WDR88: variants seen among roughly 807,000 people sequenced by gnomAD.
The protein encoded by WDR88 is WD repeat domain 88.
WDR88 carries 40 observed loss-of-function variants against 46.8 expected under a neutral mutation model. That is an observed-to-expected ratio of 0.86 (90% confidence interval 0.66 to 1.11). The LOEUF (loss-of-function observed/expected upper bound fraction) is 1.11, where lower values mean the gene tolerates loss of function less well. Among genes scored for constraint, WDR88 ranks in the 50% most tolerant of loss-of-function variants. WDR88 has a pLI of 0.00. For missense variants in WDR88, 562 were observed against 602.4 expected (o/e 0.93, Z 0.70); for synonymous variants, 235 against 240.7 (o/e 0.98, Z 0.22).
chr19:33,138,199 G>A (rs761739912), intron 2 of WDR88, among the ~76,000 whole-genome samples: 4 of 152,088 alleles, frequency 2.6e-5, no homozygotes, highest in Non-Finnish European at 4.4e-5. Flanking sequence ...ACCACACCCA[G>A]CTAATTTTGT....
intron 10 of WDR88, among the ~76,000 whole-genome samples, chr19:33,173,886 TGTCGCCCA>T (rs1351203241): frequency 2.6e-5 from 4 of 152,250 alleles, no homozygotes; most frequent in African/African-American, 9.6e-5. Flanking sequence ...AGTCTCGCTC[TGTCGCCCA>T]GGCTGGAGTG....
At chr19:33,157,541 GTA>G (rs201858607) in intron 7 of WDR88, among the ~76,000 whole-genome samples, 14,743 of 126,548 alleles carry the variant, frequency 0.12, 1,629 homozygotes, top group African/African-American at 0.32. Context: ...ATATATATAT[GTA>G]TATATATGTG....
intron 7 of WDR88, 125 bp downstream of exon 7, chr19:33,156,667 C>T: frequency 8.7e-7 from 1 of 1,149,690 alleles, no homozygotes; most frequent in Non-Finnish European, 1.2e-6. Context: ...GGATTCTTCC[C>T]CACGAGAACA....
chr19:33,168,605 A>G (rs1195047514), intron 9 of WDR88, among the ~76,000 whole-genome samples: 1 of 152,222 alleles, frequency 6.6e-6, no homozygotes, highest in African/African-American at 2.4e-5. Context: ...TGCTGAAAGA[A>G]ATTAAAGAAG....
chr19:33,151,705 C>T (rs1973637156), intron 6 of WDR88, among the ~76,000 whole-genome samples: 1 of 151,954 alleles, frequency 6.6e-6, no homozygotes, highest in South Asian at 2.1e-4. Context: ...TGTCACAAGA[C>T]CCCATCTCTA....
rs1362409152 is a variant in WDR88 at position 33,132,457 on chromosome 19, C to T, written c.276+12C>T. On this transcript the variant is annotated intron_variant, in intron 1 of 10. Coordinates refer to ENST00000355868, the MANE Select transcript of WDR88 (RefSeq NM_173479.4). The stretch of plus-strand genomic sequence containing the variant: ...ACCCTCTCTCCAAGGTCAGAACCGC[C>T]GCTGGGGTGAGGGGGCACTGGCCTG... 1.9e-6 allele frequency: 3 copies of T among 1,612,682 alleles called. No homozygotes were observed. Among genetic ancestry groups the T allele is most frequent in the Non-Finnish European group, 2.5e-6 (3 of 1,179,096 alleles).
chr19:33,132,546 A>T (rs766734386), intron 1 of WDR88, 101 bp downstream of exon 1: 3 of 1,510,876 alleles, frequency 2.0e-6, no homozygotes, highest in Middle Eastern at 2.0e-4. Flanking sequence ...ACCTGGCTTC[A>T]CCAGGACCCC....
chr19:33,174,145 A>C, intron 10 of WDR88: 1 of 1,535,624 alleles, frequency 6.5e-7, no homozygotes, highest in Non-Finnish European at 8.7e-7. Flanking sequence ...AGCTATCCGC[A>C]CCCAAACTGG....
intron 9 of WDR88, among the ~76,000 whole-genome samples, chr19:33,168,043 T>TTTG (rs1568371569): frequency 4.6e-5 from 7 of 150,720 alleles, no homozygotes; most frequent in African/African-American, 1.7e-4. Context: ...TTTTTTTTTT[T>TTTG]TTGAGATGGA....
At position 33,144,302 on chromosome 19, in the gene WDR88, C is replaced by T. The variant is rs534061760; in HGVS notation, c.388-542C>T. Among the ~76,000 whole-genome samples the T allele has an allele frequency of 2.0e-4, 31 of 152,262 alleles. 1 individual carries two copies. The East Asian group carries it at 3.7e-3, about 18-fold the overall frequency. On this transcript the variant is annotated intron_variant, in intron 2 of 10. Transcript: ENST00000355868. ...GAAACCTCCGACTTCCGGGTTCAAG[C>T]GATTCTCCTGCCTCAGCCTCATGAA...
At chr19:33,134,393 A>G (rs1267939) in intron 1 of WDR88, among the ~76,000 whole-genome samples, 1 of 151,794 alleles carries the variant, frequency 6.6e-6, no homozygotes, top group African/African-American at 2.4e-5. Context: ...GAGTCTCGCC[A>G]TGTTGCCCAG....
intron 9 of WDR88, among the ~76,000 whole-genome samples, chr19:33,170,727 T>C (rs369415713): frequency 6.6e-6 from 1 of 151,942 alleles, no homozygotes; most frequent in African/African-American, 2.4e-5. Context: ...TGGGGTATGG[T>C]GGCGCATGCC....
chr19:33,154,845 T>TCC (rs1316694581), intron 6 of WDR88, among the ~76,000 whole-genome samples: 3 of 152,168 alleles, frequency 2.0e-5, no homozygotes, highest in African/African-American at 7.2e-5. Flanking sequence ...CGGATGGCCC[T>TCC]GCGAAGTTGA....
intron 10 of WDR88, chr19:33,174,681 C>T (rs1205759763): frequency 1.0e-6 from 1 of 985,314 alleles, no homozygotes; most frequent in Non-Finnish European, 1.2e-6. Flanking sequence ...TGGGTGTTCT[C>T]AGGATGTCAG....
In WDR88 at chr19:33,132,423, G is replaced by T; in HGVS notation, c.254G>T (p.Gly85Val). The T allele has an allele frequency of 6.2e-7, 1 of 1,614,038 alleles. No homozygotes were observed. The highest frequency in any genetic ancestry group is 1.1e-5 in the South Asian group (1 of 91,088). ...CAGGTGCCGGAGAAATTGATCTGGG[G>T]CGACCAGGACCCTCTCTCCAAGGTC... is the stretch of plus-strand genomic sequence containing the variant. ...KHQVPEKLIWGDQDPLSKIPF... is the reference protein window; with the variant it reads ...KHQVPEKLIWVDQDPLSKIPF... Residue 85 changes from glycine (G) to valine (V), a missense_variant, in exon 1 of 11, where the codon GGC becomes GTC. Transcript: ENST00000355868.
chr19:33,153,209 C>T (rs1568365531), intron 6 of WDR88, among the ~76,000 whole-genome samples: 1 of 148,812 alleles, frequency 6.7e-6, no homozygotes, highest in Non-Finnish European at 1.5e-5. Context: ...CACCACCATG[C>T]CTGGCTAATT....
At position 33,164,414 on chromosome 19, in the gene WDR88, A is replaced by T. The variant is rs145943076; in HGVS notation, c.1149+149A>T. The T allele has an allele frequency of 1.0e-4, 73 of 710,554 alleles. No homozygotes were observed. In the East Asian group the frequency reaches 1.8e-3, roughly 18 times the overall value. The allele number at this position is 710,554 out of a possible 1,614,324, so 44.0% of individuals were successfully genotyped here. The stretch of plus-strand genomic sequence containing the variant: ...TTCACGGAGCTGCCTGGGAATGTGG[A>T]CAGCATGTCCTTCTATGCGCAAACG... On this transcript the variant is annotated intron_variant, in intron 9 of 10. Transcript: ENST00000355868.
chr19:33,142,171 T>C (rs1973408637), intron 2 of WDR88, among the ~76,000 whole-genome samples: 1 of 151,434 alleles, frequency 6.6e-6, no homozygotes, highest in Admixed American at 6.6e-5. Flanking sequence ...ATGGAGCGCA[T>C]GGTGGGAGCC....
chr19:33,173,306 C>A (rs1385749271), intron 10 of WDR88, among the ~76,000 whole-genome samples: 1 of 152,096 alleles, frequency 6.6e-6, no homozygotes, highest in Non-Finnish European at 1.5e-5. Flanking sequence ...CTACCCTGGG[C>A]AGGTCCCCAG....
Sources: gnomAD v4.1 joint callset for allele counts (sites outside exome capture counted in the v4.1 genomes callset) on GRCh38, gnomAD v4.1.1 for gene constraint, MANE v1.5 for transcripts, NCBI Gene and HGNC (gene_info 2026-07-23, HGNC 2026-07-21) for gene names.